Variants in LZTS1 observed in about 807,000 individuals in gnomAD.
LZTS1 encodes the protein leucine zipper putative tumor suppressor 1.
In LZTS1, 31 loss-of-function variants were observed where a neutral mutation model predicts 45.8. That is an observed-to-expected ratio of 0.68 (90% confidence interval 0.51 to 0.91). The LOEUF is 0.91. Among genes scored for constraint, LZTS1 ranks in the 40% least tolerant of loss-of-function variants. The pLI, the probability that LZTS1 is intolerant of heterozygous loss-of-function variation, is 0.00. For synonymous variants in LZTS1, 359 were observed against 357.3 expected (o/e 1.00, Z -0.05); for missense variants, 821 against 788.9 (o/e 1.04, Z -0.49).
chr8:20,262,785 A>G (rs1001274902), intron 1 of LZTS1, among the ~76,000 whole-genome samples: 3 of 152,174 alleles, frequency 2.0e-5, no homozygotes, highest in Non-Finnish European at 4.4e-5. Flanking sequence ...ATGAATGCAC[A>G]TGACAGCCCC....
At chr8:20,284,347 C>T (rs996100156) in intron 1 of LZTS1, among the ~76,000 whole-genome samples, 1 of 152,164 alleles carries the variant, frequency 6.6e-6, no homozygotes. Context: ...ATGAGCACAG[C>T]CAAGGCAAAC....
chr8:20,249,508 C>T lies in LZTS1; in HGVS notation c.*214G>A. On this transcript the variant is annotated 3_prime_UTR_variant, in exon 4 of 4. Coordinates refer to ENST00000381569, the MANE Select transcript of LZTS1 (RefSeq NM_021020.5). ...CATCTCCTGGGAAAGCCAGAGGAGT[C>T]AGGGCCTGACGTCTGGTGGGCTGCA... 1.6e-6 allele frequency: 1 copy of T among 608,974 alleles called. No homozygotes were observed. The highest frequency in any genetic ancestry group is 2.8e-6 in the Non-Finnish European group (1 of 351,910). 37.7% of individuals were successfully genotyped at this position (608,974 alleles called of 1,614,324 possible).
intron 1 of LZTS1, among the ~76,000 whole-genome samples, chr8:20,258,574 G>A (rs1247116245): frequency 6.6e-6 from 1 of 152,180 alleles, no homozygotes. Context: ...ATGTTTTGAT[G>A]TGAAAAGCTT....
intron 1 of LZTS1, among the ~76,000 whole-genome samples, chr8:20,293,071 AG>A (rs1172118007): frequency 1.3e-5 from 2 of 152,116 alleles, no homozygotes; most frequent in East Asian, 3.9e-4. Flanking sequence ...CGGCTACAAG[AG>A]GTCTCTGGGA....
chr8:20,264,103 C>T (rs897908456), intron 1 of LZTS1, among the ~76,000 whole-genome samples: 1 of 152,046 alleles, frequency 6.6e-6, no homozygotes, highest in Non-Finnish European at 1.5e-5. Context: ...CATATTTTAA[C>T]GTCTATGAAT....
chr8:20,301,354 C>T (rs1048339512), intron 1 of LZTS1, among the ~76,000 whole-genome samples: 4 of 152,046 alleles, frequency 2.6e-5, no homozygotes, highest in Admixed American at 6.6e-5. Flanking sequence ...ATACATACCC[C>T]GCAGGGCTGC....
intron 2 of LZTS1, 81 bp downstream of exon 2, chr8:20,254,756 T>TGA: frequency 8.3e-7 from 1 of 1,204,880 alleles, no homozygotes; most frequent in Non-Finnish European, 1.1e-6. Context: ...CCACTCCCCC[T>TGA]GAACCCCCAG....
rs149228339 is a variant in LZTS1 at position 20,265,128 on chromosome 8, C to T, written c.-134-9813G>A. On this transcript the variant is annotated intron_variant, in intron 1 of 3. Transcript: ENST00000381569. ...GTCTGCAGGAATGGCTGGTAGGTTG[C>T]CGGGCAGGGATCAGAGTTCTGCCTG... is the stretch of plus-strand genomic sequence containing the variant. Among the ~76,000 whole-genome samples the T allele has an allele frequency of 4.2e-3, 636 of 152,224 alleles. 8 individuals are homozygous for T. Among genetic ancestry groups the T allele is most frequent in the African/African-American group, 0.015 (613 of 41,542 alleles).
At chr8:20,300,322 G>C (rs1322999303) in intron 1 of LZTS1, among the ~76,000 whole-genome samples, 3 of 152,044 alleles carry the variant, frequency 2.0e-5, no homozygotes, top group Non-Finnish European at 4.4e-5. Flanking sequence ...TCTACTGAAA[G>C]CCAACACTGT....
intron 1 of LZTS1, among the ~76,000 whole-genome samples, chr8:20,293,633 G>A (rs917468321): frequency 6.6e-6 from 1 of 152,168 alleles, no homozygotes; most frequent in Non-Finnish European, 1.5e-5. Context: ...TTCAAAGGAT[G>A]GAGCTGAAAT....
intron 1 of LZTS1, among the ~76,000 whole-genome samples, chr8:20,270,826 T>TGTGC (rs1426787298): frequency 6.6e-6 from 1 of 151,232 alleles, no homozygotes; most frequent in Non-Finnish European, 1.5e-5. Context: ...TGTGTGTGTG[T>TGTGC]GTGTGTTTGT....
At position 20,249,639 on chromosome 8, in the gene LZTS1, C is replaced by G. The variant is rs1799827149; in HGVS notation, c.*83G>C. Reference sequence around the variant, plus strand: ...AGGGAGTGGCGTCTCTCAGAGGGGTCTGAATTGCTGAGCAGGGGGGATGCA... The same window carrying G: ...AGGGAGTGGCGTCTCTCAGAGGGGTGTGAATTGCTGAGCAGGGGGGATGCA... On this transcript the variant is annotated 3_prime_UTR_variant, in exon 4 of 4. Coordinates refer to ENST00000381569, the MANE Select transcript of LZTS1 (RefSeq NM_021020.5). 1.3e-6 allele frequency: 2 copies of G among 1,507,638 alleles called. No homozygotes were observed. The highest frequency in any genetic ancestry group is 1.8e-6 in the Non-Finnish European group (2 of 1,126,222). The allele number at this position is 1,507,638 out of a possible 1,614,324, so 93.4% of individuals were successfully genotyped here. A position where few individuals can be genotyped will look rare whatever the true frequency, so the allele number is the denominator to read the frequency against.
chr8:20,281,088 G>T (rs1018715939), intron 1 of LZTS1, among the ~76,000 whole-genome samples: 1 of 152,194 alleles, frequency 6.6e-6, no homozygotes, highest in Non-Finnish European at 1.5e-5. Context: ...TAACGTAATG[G>T]TTATAGGAAT....
intron 1 of LZTS1, among the ~76,000 whole-genome samples, chr8:20,284,346 G>C (rs550226500): frequency 2.0e-5 from 3 of 152,316 alleles, no homozygotes; most frequent in African/African-American, 7.2e-5. Context: ...GATGAGCACA[G>C]CCAAGGCAAA....
At chr8:20,257,668 CT>C (rs749462919) in intron 1 of LZTS1, among the ~76,000 whole-genome samples, 51,606 of 129,000 alleles carry the variant, frequency 0.4, 8,748 homozygotes, top group Admixed American at 0.45. Flanking sequence ...CACCCTTAAA[CT>C]TTTTTTTTTT....
In LZTS1 at chr8:20,255,317, T is replaced by C. The variant is rs1800071844; in HGVS notation, c.-134-2A>G. The C allele has an allele frequency of 2.1e-6, 3 of 1,439,938 alleles. No homozygotes were observed. Among genetic ancestry groups the C allele is most frequent in the Admixed American group, 2.8e-5 (1 of 35,696 alleles). The allele number at this position is 1,439,938 out of a possible 1,614,324, so 89.2% of individuals were successfully genotyped here. On this transcript the variant is annotated splice_acceptor_variant, in intron 1 of 3. Transcript: ENST00000381569. LOFTEE classifies it low-confidence loss of function (5UTR_SPLICE). The stretch of plus-strand genomic sequence containing the variant: ...ACAGAGCCTGCGAGAGCCGTAGACC[T>C]GGAAGAAGACACAAGACAGAAGTCA...
In LZTS1 at chr8:20,274,466, T is replaced by A. The variant is rs989990551; in HGVS notation, c.-134-19151A>T. ...CGGCAATCATCTCCATCCCGGTGTG[T>A]GATGGAGGCTTCTCCATGTGGGCAC... On this transcript the variant is annotated intron_variant, in intron 1 of 3. Coordinates refer to ENST00000381569, the MANE Select transcript of LZTS1 (RefSeq NM_021020.5). Among the ~76,000 whole-genome samples the A allele has an allele frequency of 7.2e-5, 11 of 152,266 alleles. No homozygotes were observed. In the East Asian group the frequency reaches 1.9e-3, roughly 27 times the overall value.
intron 1 of LZTS1, among the ~76,000 whole-genome samples, chr8:20,285,109 A>G (rs1214172191): frequency 1.3e-5 from 2 of 152,186 alleles, no homozygotes; most frequent in African/African-American, 4.8e-5. Flanking sequence ...GGGCTTTACA[A>G]ACTCTAAAGT....
At chr8:20,262,514 G>T (rs1178567157) in intron 1 of LZTS1, among the ~76,000 whole-genome samples, 1 of 152,100 alleles carries the variant, frequency 6.6e-6, no homozygotes, top group Non-Finnish European at 1.5e-5. Flanking sequence ...AGATGGAGTG[G>T]CCAGGAAAGC....
Sources: gnomAD v4.1 joint callset for allele counts (sites outside exome capture counted in the v4.1 genomes callset) on GRCh38, gnomAD v4.1.1 for gene constraint, MANE v1.5 for transcripts, NCBI Gene and HGNC (gene_info 2026-07-23, HGNC 2026-07-21) for gene names.